The following KAT6B variants were observed in gnomAD, a reference collection of about 807,000 sequenced individuals.
The protein encoded by KAT6B is histone acetyltransferase KAT6B.
A neutral mutation model predicts 187.5 loss-of-function variants in KAT6B; 10 were observed. The observed-to-expected ratio is 0.05, with a 90% CI of 0.03 to 0.09. The LOEUF (loss-of-function observed/expected upper bound fraction) is 0.09. Among genes scored for constraint, KAT6B ranks in the 10% least tolerant of loss-of-function variants. The pLI is 1.00. For missense variants in KAT6B, 1,952 were observed against 2,558.9 expected, an observed-to-expected ratio of 0.76 and a Z score of 5.12; for synonymous variants, 861 against 926.8, an observed-to-expected ratio of 0.93 and a Z score of 1.29.
rs772074863 is a variant in KAT6B at position 75,030,075 on chromosome 10, C to T, written c.5251C>T (p.Pro1751Ser). 1.1e-5 allele frequency: 18 copies of T among 1,614,112 alleles called. No homozygotes were observed. The highest frequency in any genetic ancestry group is 1.4e-5 in the Non-Finnish European group (17 of 1,180,060). ...SSPPTCSVKS[P>S]QGCVVERPPS... ...CCCTCCGACCTGCAGCGTCAAGTCT[C>T]CTCAAGGCTGTGTGGTGGAGAGGCC... is the stretch of plus-strand genomic sequence containing the variant. The change falls in exon 18 of 18, where the codon CCT becomes TCT. Residue 1751 changes from proline (P) to serine (S), a missense_variant. Transcript: ENST00000287239. This position sits in a 1 kb window ranked among gnomAD's most constrained non-coding sequence, Gnocchi z 4.8.
At chr10:74,905,793 C>A (rs368862558) in intron 3 of KAT6B, among the ~76,000 whole-genome samples, 1 of 152,032 alleles carries the variant, frequency 6.6e-6, no homozygotes, top group South Asian at 2.1e-4. Flanking sequence ...GACTCTTGGT[C>A]GGTTTATTAC....
chr10:74,962,259 A>G (rs764380005), intron 4 of KAT6B, among the ~76,000 whole-genome samples: 2 of 152,206 alleles, frequency 1.3e-5, no homozygotes, highest in Admixed American at 1.3e-4. Context: ...AATAAAATAT[A>G]GTTCATTTTA....
intron 3 of KAT6B, among the ~76,000 whole-genome samples, chr10:74,915,745 A>G (rs1328345964): frequency 1.3e-5 from 2 of 152,208 alleles, no homozygotes; most frequent in East Asian, 3.8e-4. Context: ...ACAATTTCAA[A>G]AGGTTGCATG....
chr10:74,944,478 G>A (rs922053496), intron 3 of KAT6B, among the ~76,000 whole-genome samples: 1 of 152,154 alleles, frequency 6.6e-6, no homozygotes, highest in Non-Finnish European at 1.5e-5. Context: ...ATATATGAAT[G>A]GCCATTAAGC....
intron 16 of KAT6B, chr10:75,023,350 G>A (rs1845582450): frequency 6.6e-6 from 1 of 152,250 alleles, no homozygotes; most frequent in Admixed American, 6.5e-5. Context: ...CAGTCTTCTG[G>A]AAGGGTCTCC....
chr10:74,933,095 G>A (rs1321576711), intron 3 of KAT6B, among the ~76,000 whole-genome samples: 1 of 152,190 alleles, frequency 6.6e-6, no homozygotes, highest in Non-Finnish European at 1.5e-5. Flanking sequence ...GAATAGAGTG[G>A]AGAGAGCCAG....
At chr10:74,969,595 G>T (rs1167800480) in intron 4 of KAT6B, 65 bp from the exon 5 acceptor site, 3 of 886,264 alleles carry the variant, frequency 3.4e-6, no homozygotes, top group Middle Eastern at 2.3e-4. Flanking sequence ...AAATATTAGG[G>T]AATGGGAGTT....
At chr10:74,911,744 A>G (rs1159502863) in intron 3 of KAT6B, among the ~76,000 whole-genome samples, 2 of 152,194 alleles carry the variant, frequency 1.3e-5, no homozygotes, top group African/African-American at 4.8e-5. Flanking sequence ...ATATTTTGAT[A>G]CATTTTCTAG....
At chr10:74,861,647 A>C (rs1843197837) in intron 3 of KAT6B, among the ~76,000 whole-genome samples, 1 of 152,214 alleles carries the variant, frequency 6.6e-6, no homozygotes, top group South Asian at 2.1e-4. Context: ...CCATTATACT[A>C]CATTACCTCT....
At chr10:74,838,266 G>T (rs939840804) in intron 1 of KAT6B, among the ~76,000 whole-genome samples, 4 of 152,156 alleles carry the variant, frequency 2.6e-5, no homozygotes, top group African/African-American at 9.7e-5. Context: ...ATGCTGCCCA[G>T]GAATGTGAAT....
At position 74,979,261 on chromosome 10, in the gene KAT6B, G is replaced by A. The variant is rs754128910; in HGVS notation, c.2153G>A (p.Arg718Gln). 1.4e-5 allele frequency: 23 copies of A among 1,613,542 alleles called. 1 individual carries two copies. Among genetic ancestry groups the A allele is most frequent in the Admixed American group, 5.0e-5 (3 of 59,952 alleles). ...ECESGVEDCG[R>Q]YPSVIEFGKY... ...GAGAGTGGGGTGGAAGACTGTGGCC[G>A]GTACCCTTCTGTGATTGAATTTGGT... The change falls in exon 10 of 18, where the codon CGG becomes CAG. Residue 718 changes from arginine to glutamine, a missense_variant. Around this residue, in one of 9 missense-constraint regions of KAT6B, gnomAD observed 87 missense variants for 191.8 expected, o/e 0.45. Transcript: ENST00000287239.
intron 13 of KAT6B, 45 bp from the exon 14 acceptor site, chr10:75,020,537 G>T (rs1215806800): frequency 1.5e-6 from 2 of 1,348,690 alleles, no homozygotes; most frequent in African/African-American, 2.9e-5. Context: ...TCTAAGCTCT[G>T]GGAATGCCAC....
At chr10:74,857,120 G>A (rs1229444762) in intron 3 of KAT6B, among the ~76,000 whole-genome samples, 1 of 152,164 alleles carries the variant, frequency 6.6e-6, no homozygotes, top group Non-Finnish European at 1.5e-5. Context: ...AAGCATGTGA[G>A]TAACCTTTCA....
chr10:74,979,160 T>C (rs1842351112), intron 9 of KAT6B, 64 bp from the exon 10 acceptor site: 2 of 1,167,398 alleles, frequency 1.7e-6, no homozygotes, highest in Non-Finnish European at 2.5e-6. Flanking sequence ...TAGTCACTGG[T>C]GAAAGAACCA....
intron 3 of KAT6B, among the ~76,000 whole-genome samples, chr10:74,862,855 A>C (rs1564527936): frequency 6.6e-6 from 1 of 152,176 alleles, no homozygotes; most frequent in Non-Finnish European, 1.5e-5. Context: ...ACAGACTCCA[A>C]GGCAGTGGAG....
intron 4 of KAT6B, among the ~76,000 whole-genome samples, chr10:74,961,289 C>T (rs565829907): frequency 1.3e-5 from 2 of 152,124 alleles, no homozygotes; most frequent in East Asian, 1.9e-4. Flanking sequence ...CTGACTCTGT[C>T]GTTATCTTTT....
chr10:74,872,678 A>G (rs1022194467), intron 3 of KAT6B, among the ~76,000 whole-genome samples: 11 of 140,386 alleles, frequency 7.8e-5, no homozygotes, highest in Admixed American at 2.7e-4. Context: ...ACTCCTGGCT[A>G]ATTAATTTTT....
chr10:74,970,928 G>A (rs992602380), intron 6 of KAT6B, among the ~76,000 whole-genome samples: 1 of 152,008 alleles, frequency 6.6e-6, no homozygotes, highest in Non-Finnish European at 1.5e-5. Flanking sequence ...TAAGTATGTA[G>A]AACTCCATAG....
intron 1 of KAT6B, among the ~76,000 whole-genome samples, chr10:74,836,737 TAAGTC>T (rs1442378561): frequency 6.6e-6 from 1 of 152,116 alleles, no homozygotes; most frequent in Non-Finnish European, 1.5e-5. Flanking sequence ...AGAAGAAAAA[TAAGTC>T]AAGGTCCCTT....
Sources: allele counts gnomAD v4.1 joint callset (sites outside exome capture counted in the v4.1 genomes callset), GRCh38; gene constraint gnomAD v4.1.1; regional missense constraint gnomAD v4.1.1; non-coding constraint Gnocchi (gnomAD v3.1); transcripts MANE v1.5; gene names NCBI Gene and HGNC (gene_info 2026-07-23, HGNC 2026-07-21).